The following ASB4 variants were observed in gnomAD, a reference collection of about 807,000 sequenced individuals.
ASB4 encodes ankyrin repeat and SOCS box containing 4, also known as ankyrin repeat and SOCS box protein 4.
A neutral mutation model predicts 38.6 loss-of-function variants in ASB4; 35 were observed. The ratio of observed to expected loss-of-function variants is 0.91; its 90% CI spans 0.69 to 1.20. The LOEUF (loss-of-function observed/expected upper bound fraction) is 1.20. Among genes scored for constraint, ASB4 ranks in the 50% most tolerant of loss-of-function variants. ASB4 has a pLI of 0.00. For missense variants in ASB4, 557 were observed against 527.2 expected (o/e 1.06, Z -0.55); for synonymous variants, 195 against 201.3 (o/e 0.97, Z 0.26).
At chr7:95,515,221 CT>C (rs763779794) in intron 2 of ASB4, among the ~76,000 whole-genome samples, 7 of 111,706 alleles carry the variant, frequency 6.3e-5, no homozygotes, top group South Asian at 5.7e-4. Context: ...TTCTTTCTTT[CT>C]TTCTTTCTTT....
rs1790630174 is a variant in ASB4 at position 95,519,463 on chromosome 7, G to A, written c.488-8350G>A. Among the ~76,000 whole-genome samples the A allele has an allele frequency of 2.6e-5, 4 of 152,284 alleles. No individual in the cohort carries two copies. The South Asian group carries it at 8.3e-4, about 32-fold the overall frequency. ...AGACACAATTAATATTTTCATAAAA[G>A]AATGCATGACAAATGTGCTGTTCTT... On this transcript the variant is annotated intron_variant, in intron 2 of 4. Transcript: ENST00000325885.
chr7:95,545,626 TG>T, the ASB4 span, among the ~76,000 whole-genome samples: 2 of 152,224 alleles, frequency 1.3e-5, no homozygotes, highest in Non-Finnish European at 2.9e-5. Context: ...TTTTTGTTTT[TG>T]TTTTGCTTCT....
At chr7:95,546,615 G>A in the ASB4 span, among the ~76,000 whole-genome samples, 7 of 152,230 alleles carry the variant, frequency 4.6e-5, no homozygotes, top group African/African-American at 1.7e-4. Context: ...AGACTCAGCC[G>A]CAGAGTTCTT....
chr7:95,549,495 C>T, the ASB4 span, among the ~76,000 whole-genome samples: 2 of 151,324 alleles, frequency 1.3e-5, no homozygotes, highest in African/African-American at 4.9e-5. Flanking sequence ...GACAGGGTTT[C>T]ACCGTGTTCG....
the ASB4 span, among the ~76,000 whole-genome samples, chr7:95,547,819 G>T: frequency 6.6e-6 from 1 of 152,134 alleles, no homozygotes; most frequent in Non-Finnish European, 1.5e-5. Flanking sequence ...TGGGAATTCT[G>T]CCTCCAGATT....
downstream of ASB4, chr7:95,542,199 G>T (rs991862908): frequency 6.6e-6 from 1 of 152,086 alleles, no homozygotes; most frequent in Non-Finnish European, 1.5e-5. Flanking sequence ...ATTTTTAGTA[G>T]CTCAAGGTTT....
chr7:95,487,414 T>C (rs754172375), intron 1 of ASB4, among the ~76,000 whole-genome samples: 14 of 152,236 alleles, frequency 9.2e-5, no homozygotes, highest in Non-Finnish European at 1.8e-4. Flanking sequence ...AACTAATTTT[T>C]AAGATGTTTT....
intron 2 of ASB4, among the ~76,000 whole-genome samples, chr7:95,499,219 G>T (rs915264195): frequency 2.0e-5 from 3 of 152,138 alleles, no homozygotes; most frequent in Non-Finnish European, 2.9e-5. Flanking sequence ...TTTCAGAATT[G>T]TTGGCCTATA....
At chr7:95,506,248 A>G (rs765042692) in intron 2 of ASB4, among the ~76,000 whole-genome samples, 6 of 152,166 alleles carry the variant, frequency 3.9e-5, no homozygotes, top group Non-Finnish European at 8.8e-5. Flanking sequence ...TGGGTATTTT[A>G]TCAATGTTAT....
upstream of ASB4, among the ~76,000 whole-genome samples, chr7:95,476,808 T>C (rs1323215222): frequency 2.0e-5 from 3 of 152,214 alleles, no homozygotes; most frequent in African/African-American, 7.2e-5. Flanking sequence ...TGGAGACACA[T>C]GGTATGAAAC....
chr7:95,517,036 A>G (rs770042109), intron 2 of ASB4, among the ~76,000 whole-genome samples: 2 of 152,238 alleles, frequency 1.3e-5, no homozygotes, highest in Admixed American at 6.5e-5. Context: ...ATGTCCAGAA[A>G]GAAAGTGTTT....
At chr7:95,484,602 G>A (rs1790058777), upstream of ASB4, among the ~76,000 whole-genome samples, 1 of 152,074 alleles carries the variant, frequency 6.6e-6, no homozygotes, top group African/African-American at 2.4e-5. Context: ...TCATTTACAT[G>A]CTTAAGTAAA....
chr7:95,530,209 C>T (rs992955273), intron 3 of ASB4, among the ~76,000 whole-genome samples: 1 of 151,660 alleles, frequency 6.6e-6, no homozygotes, highest in African/African-American at 2.4e-5. Context: ...CCCTGTAATC[C>T]TAGCACTTTG....
At chr7:95,478,742 G>T (rs1789999163) in intron 1 of ASB4, 1 of 152,178 alleles carries the variant, frequency 6.6e-6, no homozygotes, top group South Asian at 2.1e-4. Flanking sequence ...CACAAATAGA[G>T]TTCCAAGCGA....
intron 1 of ASB4, chr7:95,478,690 CTAAA>C (rs928497464): frequency 2.0e-5 from 3 of 152,132 alleles, no homozygotes; most frequent in African/African-American, 7.2e-5. Context: ...GCAGTAGCGG[CTAAA>C]TAATTACTTC....
At chr7:95,471,893 A>C in the ASB4 span, 9 of 119,934 alleles carry the variant, frequency 7.5e-5, no homozygotes, top group African/African-American at 2.3e-4. Context: ...CAGATGAAGA[A>C]ACCGAGCCAC....
At chr7:95,543,501 T>C (rs1305783625), downstream of ASB4, 3 of 152,116 alleles carry the variant, frequency 2.0e-5, no homozygotes, top group Non-Finnish European at 4.4e-5. Context: ...GTCGGGATGG[T>C]AAGTGCTATT....
At chr7:95,548,873 A>G in the ASB4 span, among the ~76,000 whole-genome samples, 1 of 152,204 alleles carries the variant, frequency 6.6e-6, no homozygotes, top group Non-Finnish European at 1.5e-5. Context: ...AATTCTTACT[A>G]TAACCCTATG....
At chr7:95,533,367 T>C (rs1286293764) in intron 3 of ASB4, among the ~76,000 whole-genome samples, 3 of 152,216 alleles carry the variant, frequency 2.0e-5, no homozygotes, top group African/African-American at 4.8e-5. Context: ...CTTATTGGGC[T>C]TCTAACACTC....
Sources: gnomAD v4.1 joint callset for allele counts (sites outside exome capture counted in the v4.1 genomes callset) on GRCh38, gnomAD v4.1.1 for gene constraint, MANE v1.5 for transcripts, NCBI Gene and HGNC (gene_info 2026-07-23, HGNC 2026-07-21) for gene names.